CDH13: variants seen among roughly 807,000 people sequenced by gnomAD.
CDH13 encodes the protein cadherin-13.
A neutral mutation model predicts 63.8 loss-of-function variants in CDH13; 24 were observed. That is an observed-to-expected ratio of 0.38 (90% CI 0.27 to 0.53). The LOEUF is 0.53. Ranked by LOEUF, CDH13 falls within the 20% of genes least tolerant of loss-of-function variation. The pLI is 0.85. For missense variants in CDH13, 1,049 were observed against 903.1 expected (o/e 1.16, Z -2.07); for synonymous variants, 503 against 355.3 (o/e 1.42, Z -4.67).
intron 5 of CDH13, among the ~76,000 whole-genome samples, chr16:83,308,231 T>G (rs2089923184): frequency 6.6e-6 from 1 of 152,198 alleles, no homozygotes; most frequent in Admixed American, 6.5e-5. Context: ...AAGACTAGCC[T>G]TCATCTTTCC....
At chr16:83,120,358 C>T (rs1341371253) in intron 3 of CDH13, among the ~76,000 whole-genome samples, 1 of 152,194 alleles carries the variant, frequency 6.6e-6, no homozygotes, top group Admixed American at 6.5e-5. Context: ...CCACTCTGGA[C>T]ACCCGTGAGG....
At chr16:83,156,527 C>T (rs1425421639) in intron 4 of CDH13, among the ~76,000 whole-genome samples, 1 of 152,082 alleles carries the variant, frequency 6.6e-6, no homozygotes, top group Non-Finnish European at 1.5e-5. Flanking sequence ...ATGAAGGGTG[C>T]TCTTTTAAGT....
chr16:83,672,837 C>G (rs1255659754), intron 9 of CDH13, among the ~76,000 whole-genome samples: 1 of 152,126 alleles, frequency 6.6e-6, no homozygotes, highest in Non-Finnish European at 1.5e-5. Context: ...TTTTATCTTC[C>G]AAACTTCAGG....
At chr16:82,793,402 C>T (rs181030154) in intron 1 of CDH13, among the ~76,000 whole-genome samples, 5 of 152,146 alleles carry the variant, frequency 3.3e-5, no homozygotes, top group Admixed American at 6.5e-5. Flanking sequence ...TCACTCCACC[C>T]CTCCTGTCCA....
chr16:83,534,072 A>G (rs1489644179), intron 7 of CDH13, among the ~76,000 whole-genome samples: 2 of 152,204 alleles, frequency 1.3e-5, no homozygotes, highest in South Asian at 2.1e-4. Flanking sequence ...ACCTCTATCT[A>G]TATTCTCATC....
chr16:82,910,805 C>T (rs1481841423), intron 2 of CDH13, among the ~76,000 whole-genome samples: 1 of 152,132 alleles, frequency 6.6e-6, no homozygotes, highest in African/African-American at 2.4e-5. Flanking sequence ...ATGGGATTTC[C>T]AAAGCCATAT....
At chr16:82,643,836 G>T (rs1191798249) in intron 1 of CDH13, among the ~76,000 whole-genome samples, 1 of 151,844 alleles carries the variant, frequency 6.6e-6, no homozygotes, top group South Asian at 2.1e-4. Context: ...TTGACCACCT[G>T]AGCTCAAGCA....
At chr16:83,256,704 G>T (rs916366882) in intron 5 of CDH13, among the ~76,000 whole-genome samples, 1 of 150,520 alleles carries the variant, frequency 6.6e-6, no homozygotes, top group Non-Finnish European at 1.5e-5. Context: ...AATTAGCCGG[G>T]CATGGTGGCG....
At chr16:82,734,316 C>T (rs73603158) in intron 1 of CDH13, among the ~76,000 whole-genome samples, 14,449 of 152,098 alleles carry the variant, frequency 0.095, 788 homozygotes, top group East Asian at 0.22. Context: ...TACTATTTGG[C>T]CTTTTATAGA....
Position 82,762,216 on chromosome 16 carries a change from T to A in CDH13, c.46-96146T>A, listed in dbSNP as rs75227007. 9.3e-4 allele frequency among the ~76,000 whole-genome samples: 141 copies of A among 152,342 alleles called. No homozygotes were observed. In the Middle Eastern group the frequency reaches 0.01, roughly 11 times the overall value. The stretch of plus-strand genomic sequence containing the variant: ...CCAAAGATGAAATGAAGAGGTTGAA[T>A]GTAATGATTACTAAGATTCTCTTTC... On this transcript the variant is annotated intron_variant, in intron 1 of 13. Coordinates refer to ENST00000567109, the MANE Select transcript of CDH13 (RefSeq NM_001257.5).
In CDH13 at chr16:83,476,742, AGAGTTTATG is replaced by A. The variant is rs2073615850; in HGVS notation, c.782-9732_782-9724del. On this transcript the variant is annotated intron_variant, in intron 6 of 13. Coordinates refer to ENST00000567109, the MANE Select transcript of CDH13 (RefSeq NM_001257.5). ...ACACCGTGTCCTTTTGTTGTTTTTA[AGAGTTTATG>A]GAAAAATATATTGGAGAGTTACAAT... is the stretch of plus-strand genomic sequence containing the variant. Among the ~76,000 whole-genome samples the A allele has an allele frequency of 3.9e-5, 6 of 152,322 alleles. No homozygotes were observed. In the South Asian group the frequency reaches 1.2e-3, roughly 32 times the overall value.
At chr16:82,922,572 C>T (rs536364130) in intron 2 of CDH13, among the ~76,000 whole-genome samples, 1 of 152,282 alleles carries the variant, frequency 6.6e-6, no homozygotes, top group South Asian at 2.1e-4. Context: ...ATGTATGCTG[C>T]TATAACAGGT....
At chr16:83,149,051 G>C (rs2036866204) in intron 4 of CDH13, among the ~76,000 whole-genome samples, 1 of 152,128 alleles carries the variant, frequency 6.6e-6, no homozygotes, top group Admixed American at 6.6e-5. Context: ...ATGAAGTATA[G>C]AATCATAGTG....
intron 6 of CDH13, among the ~76,000 whole-genome samples, chr16:83,438,829 A>T (rs1232715164): frequency 6.6e-6 from 1 of 152,238 alleles, no homozygotes; most frequent in Non-Finnish European, 1.5e-5. Context: ...CAGCAGTGAC[A>T]TTGAAAGAAC....
chr16:83,169,827 G>A (rs566145185), intron 4 of CDH13, among the ~76,000 whole-genome samples: 1 of 151,988 alleles, frequency 6.6e-6, no homozygotes, highest in African/African-American at 2.4e-5. Context: ...GTATTCTCTT[G>A]TTTATACAAT....
chr16:83,118,126 G>A (rs1567846945), intron 3 of CDH13, among the ~76,000 whole-genome samples: 1 of 152,176 alleles, frequency 6.6e-6, no homozygotes, highest in Non-Finnish European at 1.5e-5. Context: ...CTAGGCTAAA[G>A]ATGCTGCGGA....
intron 2 of CDH13, among the ~76,000 whole-genome samples, chr16:82,888,232 C>T (rs891057895): frequency 2.0e-5 from 3 of 152,166 alleles, no homozygotes; most frequent in Non-Finnish European, 1.5e-5. Context: ...CAGACGGGCG[C>T]TCCCATTGCC....
At chr16:83,169,093 T>C (rs1413092526) in intron 4 of CDH13, among the ~76,000 whole-genome samples, 1 of 152,142 alleles carries the variant, frequency 6.6e-6, no homozygotes, top group East Asian at 1.9e-4. Flanking sequence ...TCAAACTTTT[T>C]TGCAAAGAAA....
intron 2 of CDH13, among the ~76,000 whole-genome samples, chr16:82,984,795 C>A (rs910562167): frequency 2.0e-5 from 3 of 152,170 alleles, no homozygotes; most frequent in Non-Finnish European, 4.4e-5. Flanking sequence ...GCTTTATACA[C>A]ACATACTATG....
Sources: allele counts gnomAD v4.1 joint callset (sites outside exome capture counted in the v4.1 genomes callset), GRCh38; gene constraint gnomAD v4.1.1; transcripts MANE v1.5; gene names NCBI Gene and HGNC (gene_info 2026-07-23, HGNC 2026-07-21).